Variants in OR14I1 observed in about 807,000 individuals in gnomAD.
The protein encoded by OR14I1 is olfactory receptor 14I1.
For synonymous variants in OR14I1, 118 were observed against 71.1 expected (o/e 1.66, Z -3.32); for missense variants, 279 against 181.8 (o/e 1.53, Z -3.07).
chr1:248,699,995 C>T, the OR14I1 span, among the ~76,000 whole-genome samples: 21 of 152,240 alleles, frequency 1.4e-4, no homozygotes, highest in African/African-American at 4.6e-4. Flanking sequence ...CTCCTGACCT[C>T]GTGATCCGCC....
At chr1:248,684,232 G>A (rs73142499), upstream of OR14I1, among the ~76,000 whole-genome samples, 3,882 of 152,288 alleles carry the variant, frequency 0.025, 141 homozygotes, top group African/African-American at 0.08. Context: ...AATTCAAAAT[G>A]TGTTCAACTT....
At chr1:248,689,601 G>A in the OR14I1 span, among the ~76,000 whole-genome samples, 650 of 151,956 alleles carry the variant, frequency 4.3e-3, 6 homozygotes, top group South Asian at 0.012. Flanking sequence ...TCCTTGTTCC[G>A]GGGGGCCACT....
the OR14I1 span, among the ~76,000 whole-genome samples, chr1:248,702,413 TAAG>T: frequency 6.6e-6 from 1 of 152,196 alleles, no homozygotes; most frequent in Non-Finnish European, 1.5e-5. Flanking sequence ...CACTGGTAAT[TAAG>T]AAGAAATTCT....
At chr1:248,687,563 T>C in the OR14I1 span, among the ~76,000 whole-genome samples, 22 of 152,352 alleles carry the variant, frequency 1.4e-4, no homozygotes, top group African/African-American at 5.3e-4. Context: ...TATTTTATCA[T>C]TTCATTTTTC....
chr1:248,699,301 G>A, the OR14I1 span, among the ~76,000 whole-genome samples: 17 of 152,198 alleles, frequency 1.1e-4, no homozygotes, highest in Admixed American at 2.0e-4. Flanking sequence ...CAGTTAAAAT[G>A]CTGAGAAAGC....
At chr1:248,692,433 T>G in the OR14I1 span, among the ~76,000 whole-genome samples, 2 of 152,242 alleles carry the variant, frequency 1.3e-5, no homozygotes, top group South Asian at 4.1e-4. Context: ...CACCTGCGTT[T>G]CCGCATTCCC....
the OR14I1 span, chr1:248,697,213 T>A: frequency 1.3e-5 from 2 of 152,074 alleles, no homozygotes; most frequent in Non-Finnish European, 2.9e-5. Context: ...CACAGGTACT[T>A]TTCTAGGATG....
the OR14I1 span, among the ~76,000 whole-genome samples, chr1:248,693,842 C>T: frequency 6.7e-6 from 1 of 150,250 alleles, no homozygotes; most frequent in Admixed American, 6.6e-5. Flanking sequence ...AAGAACAGTG[C>T]TATTAACTTG....
the OR14I1 span, chr1:248,692,017 C>G: frequency 6.6e-6 from 1 of 152,356 alleles, no homozygotes; most frequent in Non-Finnish European, 1.5e-5. Context: ...GAGGGGCGCT[C>G]GCCCAGCAGC....
exon 1 of OR14I1, chr1:248,682,184 G>A (rs1189706669): frequency 1.3e-6 from 1 of 780,946 alleles, no homozygotes; most frequent in African/African-American, 1.7e-5. Flanking sequence ...ATGATGAGCA[G>A]GTTCCCCACC....
chr1:248,687,621 T>A, the OR14I1 span, among the ~76,000 whole-genome samples: 1 of 152,230 alleles, frequency 6.6e-6, no homozygotes, highest in Non-Finnish European at 1.5e-5. Context: ...CAAATTAAAC[T>A]TAGCAGACTT....
At chr1:248,683,728 G>A (rs1025065209), upstream of OR14I1, among the ~76,000 whole-genome samples, 18 of 152,202 alleles carry the variant, frequency 1.2e-4, no homozygotes, top group Non-Finnish European at 2.1e-4. Context: ...ATTAAAACAA[G>A]TAATTGAAAA....
chr1:248,689,070 A>G, the OR14I1 span, among the ~76,000 whole-genome samples: 1 of 152,046 alleles, frequency 6.6e-6, no homozygotes, highest in Non-Finnish European at 1.5e-5. Context: ...ATACAGGTAA[A>G]CTTCTTGGGA....
At chr1:248,683,767 C>T (rs138820170), upstream of OR14I1, among the ~76,000 whole-genome samples, 6 of 152,232 alleles carry the variant, frequency 3.9e-5, no homozygotes, top group Admixed American at 2.6e-4. Context: ...AGCGCGGTGG[C>T]GAACTCCTGT....
chr1:248,700,397 G>A, the OR14I1 span, among the ~76,000 whole-genome samples: 4 of 152,146 alleles, frequency 2.6e-5, no homozygotes, highest in Middle Eastern at 3.2e-3. Context: ...AAAATTGCAA[G>A]TACTCTTCTT....
upstream of OR14I1, among the ~76,000 whole-genome samples, chr1:248,686,312 C>T (rs983573267): frequency 6.6e-6 from 1 of 152,158 alleles, no homozygotes; most frequent in Non-Finnish European, 1.5e-5. Context: ...CTACACTCAA[C>T]AAGATGGCCT....
the OR14I1 span, among the ~76,000 whole-genome samples, chr1:248,696,478 G>A: frequency 6.6e-6 from 1 of 152,098 alleles, no homozygotes; most frequent in Admixed American, 6.5e-5. Flanking sequence ...GGAATCAGTC[G>A]ACTTCTGTTC....
the OR14I1 span, chr1:248,692,064 G>A: frequency 6.6e-6 from 1 of 152,368 alleles, no homozygotes; most frequent in Non-Finnish European, 1.5e-5. Flanking sequence ...GCGCGGGCCC[G>A]GCCGCCTGGG....
At chr1:248,700,301 G>T in the OR14I1 span, among the ~76,000 whole-genome samples, 1 of 152,188 alleles carries the variant, frequency 6.6e-6, no homozygotes, top group South Asian at 2.1e-4. Context: ...CAAAGTGAAA[G>T]ACCTCCAATT....
Sources: allele counts gnomAD v4.1 joint callset (sites outside exome capture counted in the v4.1 genomes callset), GRCh38; gene constraint gnomAD v4.1.1; transcripts MANE v1.5; gene names NCBI Gene and HGNC (gene_info 2026-07-23, HGNC 2026-07-21).